KCNB2: variants seen among roughly 807,000 people sequenced by gnomAD.
The protein encoded by KCNB2 is potassium voltage-gated channel subfamily B member 2.
Under a neutral mutation model 61.5 loss-of-function variants are expected in KCNB2, and 15 were observed. The ratio of observed to expected loss-of-function variants is 0.24; its 90% CI spans 0.16 to 0.38. The LOEUF is 0.38. Among genes scored for constraint, KCNB2 ranks in the 10% least tolerant of loss-of-function variants. KCNB2 has a pLI of 1.00. For synonymous variants in KCNB2, 457 were observed against 446.0 expected (o/e 1.02, Z -0.31); for missense variants, 828 against 1,125.2 (o/e 0.74, Z 3.78).
chr8:72,718,634 A>G (rs1807490098), intron 2 of KCNB2, among the ~76,000 whole-genome samples: 1 of 138,708 alleles, frequency 7.2e-6, no homozygotes, highest in East Asian at 2.5e-4. Context: ...TGGACACAGG[A>G]AGGGGAACAT....
At position 72,752,430 on chromosome 8, in the gene KCNB2, A is replaced by G. The variant is rs376085334; in HGVS notation, c.580-183505A>G. ...AATGAGAGTGGGCATCATTTAACCTATTGAGGGTCTGAATAGAACAATATG... is the reference window on the plus strand; with the variant it reads ...AATGAGAGTGGGCATCATTTAACCTGTTGAGGGTCTGAATAGAACAATATG... On this transcript the variant is annotated intron_variant, in intron 2 of 2. Coordinates refer to ENST00000523207, the MANE Select transcript of KCNB2 (RefSeq NM_004770.3). Among the ~76,000 whole-genome samples the G allele has an allele frequency of 8.7e-4, 133 of 152,316 alleles. 2 individuals are homozygous for G. The South Asian group carries it at 0.026, about 30-fold the overall frequency.
At chr8:72,560,761 G>C (rs1015372914) in intron 1 of KCNB2, among the ~76,000 whole-genome samples, 5 of 151,942 alleles carry the variant, frequency 3.3e-5, no homozygotes, top group Non-Finnish European at 7.4e-5. Context: ...GTCTATAAAA[G>C]GTCCAAGATG....
chr8:72,883,631 A>G (rs1252782313), intron 2 of KCNB2, among the ~76,000 whole-genome samples: 1 of 152,156 alleles, frequency 6.6e-6, no homozygotes, highest in Non-Finnish European at 1.5e-5. Flanking sequence ...GTGTATAAGG[A>G]TAGCTGAAGC....
In KCNB2 at chr8:72,605,478, A is replaced by G. The variant is rs7003709; in HGVS notation, c.579+37165A>G. Among the ~76,000 whole-genome samples the G allele has an allele frequency of 2.8e-3, 432 of 152,280 alleles. 1 individual carries two copies. Among genetic ancestry groups the G allele is most frequent in the African/African-American group, 9.6e-3 (400 of 41,562 alleles). On this transcript the variant is annotated intron_variant, in intron 2 of 2. Transcript: ENST00000523207. ...TGGCTTTAAAGGATTTTCATAGGAG[A>G]AAAAGAGAATAGGATTTCATGAGAA... is the stretch of plus-strand genomic sequence containing the variant.
intron 2 of KCNB2, among the ~76,000 whole-genome samples, chr8:72,721,285 C>T (rs531288844): frequency 9.2e-5 from 14 of 152,280 alleles, no homozygotes; most frequent in South Asian, 6.2e-4. Flanking sequence ...CCACATCATC[C>T]GGGGGTTGCT....
At chr8:72,564,601 T>G (rs1806593212) in intron 1 of KCNB2, among the ~76,000 whole-genome samples, 1 of 152,190 alleles carries the variant, frequency 6.6e-6, no homozygotes, top group Non-Finnish European at 1.5e-5. Flanking sequence ...TTCGGCTGTT[T>G]TTGCCTCATC....
In KCNB2 at chr8:72,932,844, T is replaced by TA. The variant is rs200422449; in HGVS notation, c.580-3083dup. Among the ~76,000 whole-genome samples the TA allele has an allele frequency of 2.7e-3, 403 of 152,072 alleles. 2 individuals carry two copies. The highest frequency in any genetic ancestry group is 9.3e-3 in the African/African-American group (384 of 41,460). ...TTCACATTTATTATATTTATTGTGT[T>TA]AAAAAAAACTCTACAATAAGACAAT... On this transcript the variant is annotated intron_variant, in intron 2 of 2. Coordinates refer to ENST00000523207, the MANE Select transcript of KCNB2 (RefSeq NM_004770.3).
intron 2 of KCNB2, among the ~76,000 whole-genome samples, chr8:72,861,170 A>C (rs1381922109): frequency 7.1e-5 from 2 of 28,036 alleles, no homozygotes; most frequent in Non-Finnish European, 2.5e-4. Flanking sequence ...TTTTCAGCTT[A>C]AGTGTCTGAA....
At chr8:72,601,707 A>G (rs1030677958) in intron 2 of KCNB2, among the ~76,000 whole-genome samples, 2 of 152,200 alleles carry the variant, frequency 1.3e-5, no homozygotes, top group African/African-American at 4.8e-5. Context: ...AAATACACCT[A>G]TTATCCTGTC....
At chr8:72,676,284 A>G (rs968981621) in intron 2 of KCNB2, among the ~76,000 whole-genome samples, 5 of 152,090 alleles carry the variant, frequency 3.3e-5, no homozygotes, top group African/African-American at 9.7e-5. Context: ...TCCAATAATC[A>G]ATGTGCATTC....
intron 2 of KCNB2, among the ~76,000 whole-genome samples, chr8:72,643,145 T>C (rs118031726): frequency 0.013 from 1,912 of 152,226 alleles, 18 homozygotes; most frequent in Non-Finnish European, 0.019. Flanking sequence ...CCACACACCC[T>C]TTCCACACAA....
At chr8:72,723,491 G>A (rs1398451618) in intron 2 of KCNB2, among the ~76,000 whole-genome samples, 1 of 152,140 alleles carries the variant, frequency 6.6e-6, no homozygotes, top group African/African-American at 2.4e-5. Flanking sequence ...GGAAGTGATT[G>A]TCCTCATGGT....
chr8:72,749,301 A>G (rs557340273), intron 2 of KCNB2: 1 of 151,644 alleles, frequency 6.6e-6, no homozygotes, highest in African/African-American at 2.4e-5. Context: ...TTTTCTTTTT[A>G]GAAGAGACGA....
intron 2 of KCNB2, among the ~76,000 whole-genome samples, chr8:72,728,167 A>G (rs1245038734): frequency 1.3e-5 from 2 of 152,140 alleles, no homozygotes; most frequent in African/African-American, 4.8e-5. Flanking sequence ...CCCTGTTCTC[A>G]GTTTGCCTCT....
intron 2 of KCNB2, among the ~76,000 whole-genome samples, chr8:72,576,462 A>G (rs1352724904): frequency 6.6e-6 from 1 of 152,236 alleles, no homozygotes; most frequent in Non-Finnish European, 1.5e-5. Context: ...TAAAGCTCTC[A>G]GGACACATCC....
At chr8:72,561,765 A>G (rs796906808) in intron 1 of KCNB2, among the ~76,000 whole-genome samples, 3,588 of 28,278 alleles carry the variant, frequency 0.13, 794 homozygotes, top group Non-Finnish European at 0.17. Flanking sequence ...ATATATGGAT[A>G]TATATATATA....
In KCNB2 at chr8:72,588,383, A is replaced by G. The variant is rs1807033689; in HGVS notation, c.579+20070A>G. ...ACAGTCATGCACCACCACGCCGGCT[A>G]ATTTTGTATTTTTAGTAGAGACGGG... On this transcript the variant is annotated intron_variant, in intron 2 of 2. Coordinates refer to ENST00000523207, the MANE Select transcript of KCNB2 (RefSeq NM_004770.3). Among the ~76,000 whole-genome samples the G allele has an allele frequency of 2.0e-5, 3 of 151,746 alleles. No homozygotes were observed. In the South Asian group the frequency reaches 6.3e-4, roughly 32 times the overall value.
intron 2 of KCNB2, among the ~76,000 whole-genome samples, chr8:72,911,177 GA>G (rs1442374108): frequency 6.6e-6 from 1 of 152,118 alleles, no homozygotes; most frequent in East Asian, 1.9e-4. Flanking sequence ...CAGGAATTCC[GA>G]CAACAGTCTG....
Position 72,828,645 on chromosome 8 carries a change from G to A in KCNB2, c.580-107290G>A, listed in dbSNP as rs149860442. 5.3e-5 allele frequency among the ~76,000 whole-genome samples: 8 copies of A among 152,222 alleles called. No homozygotes were observed. In the East Asian group the frequency reaches 1.5e-3, roughly 29 times the overall value. ...TTGAAAGGATTGAAAGATTTATTATGCTAAAAATATATTCTATTCTATAGT... is the reference window on the plus strand; with the variant it reads ...TTGAAAGGATTGAAAGATTTATTATACTAAAAATATATTCTATTCTATAGT... On this transcript the variant is annotated intron_variant, in intron 2 of 2. Transcript: ENST00000523207.
Sources: allele counts gnomAD v4.1 joint callset (sites outside exome capture counted in the v4.1 genomes callset), GRCh38; gene constraint gnomAD v4.1.1; transcripts MANE v1.5; gene names NCBI Gene and HGNC (gene_info 2026-07-23, HGNC 2026-07-21).